The following GLIS3 variants were observed in gnomAD, a reference collection of about 807,000 sequenced individuals.
GLIS3 encodes the protein zinc finger protein GLIS3.
Under a neutral mutation model 78.6 loss-of-function variants are expected in GLIS3, and 53 were observed. That is an observed-to-expected ratio of 0.67 (90% CI 0.54 to 0.85). The LOEUF is 0.85. GLIS3 is among the 40% of genes least tolerant of loss of function. The pLI, the probability that GLIS3 is intolerant of heterozygous loss-of-function variation, is 0.00. For synonymous variants in GLIS3, 684 were observed against 509.9 expected (o/e 1.34, Z -4.60); for missense variants, 1,703 against 1,231.1 (o/e 1.38, Z -5.74).
chr9:4,336,543 T>G (rs1817760301), intron 2 of GLIS3, among the ~76,000 whole-genome samples: 1 of 152,134 alleles, frequency 6.6e-6, no homozygotes, highest in Non-Finnish European at 1.5e-5. Flanking sequence ...ACATGAGCCC[T>G]GAAACTGAAT....
intron 2 of GLIS3, among the ~76,000 whole-genome samples, chr9:4,228,995 T>C (rs934018082): frequency 8.9e-5 from 12 of 135,258 alleles, no homozygotes; most frequent in African/African-American, 3.1e-4. Context: ...CTAGCAATAG[T>C]TAACTGTTTT....
the GLIS3 span, among the ~76,000 whole-genome samples, chr9:4,406,259 C>G: frequency 6.6e-6 from 1 of 152,156 alleles, no homozygotes; most frequent in Non-Finnish European, 1.5e-5. Flanking sequence ...AAAGGGCATC[C>G]CAACTGGAAA....
At chr9:4,405,848 A>G in the GLIS3 span, among the ~76,000 whole-genome samples, 12 of 152,318 alleles carry the variant, frequency 7.9e-5, no homozygotes, top group Non-Finnish European at 1.8e-4. Flanking sequence ...AAATTCAACA[A>G]TACATTAAAA....
At chr9:4,487,495 G>T in the GLIS3 span, among the ~76,000 whole-genome samples, 1 of 151,996 alleles carries the variant, frequency 6.6e-6, no homozygotes, top group African/African-American at 2.4e-5. Context: ...CTGATAAGTG[G>T]TGGTGCTGGG....
intron 2 of GLIS3, among the ~76,000 whole-genome samples, chr9:4,282,393 C>T (rs957369153): frequency 6.6e-6 from 1 of 152,178 alleles, no homozygotes; most frequent in Non-Finnish European, 1.5e-5. Flanking sequence ...ATTGCCCTCC[C>T]TAATGTGGGT....
rs766924336 is a variant in GLIS3 at position 4,053,704 on chromosome 9, A to AT, written c.1710+64063dup. Among the ~76,000 whole-genome samples the AT allele has an allele frequency of 6.0e-5, 8 of 134,268 alleles. No individual in the cohort carries two copies. The East Asian group carries it at 1.4e-3, about 24-fold the overall frequency. 88.1% of individuals were successfully genotyped at this position (134,268 alleles called of 152,430 possible). A position where few individuals can be genotyped will look rare whatever the true frequency, so the allele number is the denominator to read the frequency against. ...CAGTGCCTACTTGTTTTCTTTCTTC[A>AT]TAAAAAAAAAAAAAAAAAATTCTGG... On this transcript the variant is annotated intron_variant, in intron 4 of 10. Coordinates refer to ENST00000381971, the MANE Select transcript of GLIS3 (RefSeq NM_001042413.2).
rs540749301 is a variant in GLIS3, at chr9:4,222,237, G to A, written c.388+63801C>T. Reference sequence around the variant, plus strand: ...TACCACAGCTTCTTCACTAAACACGGTAGCAAAGTACACCTTCCTCTTTCT... The same window carrying A: ...TACCACAGCTTCTTCACTAAACACGATAGCAAAGTACACCTTCCTCTTTCT... On this transcript the variant is annotated intron_variant, in intron 2 of 10. Transcript: ENST00000381971. 2.6e-5 allele frequency among the ~76,000 whole-genome samples: 4 copies of A among 152,246 alleles called. No individual in the cohort carries two copies. The South Asian group carries it at 8.3e-4, about 32-fold the overall frequency.
chr9:4,034,507 T>C (rs1190441099), intron 4 of GLIS3: 3 of 152,328 alleles, frequency 2.0e-5, no homozygotes, highest in East Asian at 1.9e-4. Context: ...TAATTAGGAA[T>C]GTTATAACAA....
chr9:3,917,303 G>T (rs1824577166), intron 6 of GLIS3, among the ~76,000 whole-genome samples: 3 of 152,198 alleles, frequency 2.0e-5, no homozygotes, highest in African/African-American at 7.2e-5. Context: ...AGCATGTGCT[G>T]TCAGAGCTGA....
At chr9:4,297,366 C>G (rs890901001) in intron 1 of GLIS3, among the ~76,000 whole-genome samples, 1 of 152,188 alleles carries the variant, frequency 6.6e-6, no homozygotes. Context: ...AAACCTCTAA[C>G]GTCTCTGGGG....
chr9:4,128,092 C>T (rs535914511), intron 2 of GLIS3, among the ~76,000 whole-genome samples: 4 of 152,356 alleles, frequency 2.6e-5, no homozygotes, highest in African/African-American at 7.2e-5. Flanking sequence ...CCAATACAAA[C>T]TAATGTGATC....
chr9:3,980,984 C>T lies in GLIS3; in HGVS notation c.1711-43795G>A, dbSNP rs1423526532. Among the ~76,000 whole-genome samples, 2 of 152,226 alleles carry T rather than the reference C, an allele frequency of 1.3e-5. 1 individual carries two copies. Among genetic ancestry groups the T allele is most frequent in the South Asian group, 4.1e-4 (2 of 4,824 alleles). On this transcript the variant is annotated intron_variant, in intron 4 of 10. Transcript: ENST00000381971. ...GCTCAGCATGCGTGCAAGCTCTACG[C>T]TGCTCTGCTGAACTGAAGCGCTCTT...
chr9:4,421,432 G>C, the GLIS3 span, among the ~76,000 whole-genome samples: 1 of 152,250 alleles, frequency 6.6e-6, no homozygotes, highest in Non-Finnish European at 1.5e-5. Context: ...AAGCTGGCTG[G>C]TCTGATGGAA....
At chr9:4,158,185 CCTT>C (rs1184068721) in intron 2 of GLIS3, among the ~76,000 whole-genome samples, 1 of 152,152 alleles carries the variant, frequency 6.6e-6, no homozygotes, top group East Asian at 1.9e-4. Flanking sequence ...GTCGAGAATT[CCTT>C]CTTATGTTTC....
chr9:3,875,707 C>G (rs1192899087), intron 8 of GLIS3: 3 of 152,186 alleles, frequency 2.0e-5, no homozygotes, highest in Non-Finnish European at 2.9e-5. Flanking sequence ...ATCTTCCTTT[C>G]CAAACCTGAT....
At chr9:4,388,716 A>C in the GLIS3 span, among the ~76,000 whole-genome samples, 4 of 152,098 alleles carry the variant, frequency 2.6e-5, no homozygotes, top group African/African-American at 9.7e-5. Flanking sequence ...GACAAAAAAT[A>C]AAAGTCTCCA....
intron 6 of GLIS3, among the ~76,000 whole-genome samples, chr9:3,930,531 A>G (rs558900307): frequency 1.2e-4 from 18 of 152,328 alleles, no homozygotes; most frequent in African/African-American, 4.1e-4. Flanking sequence ...CTTTCTTTAT[A>G]CAGAGGTTGA....
At chr9:4,445,674 T>G in the GLIS3 span, among the ~76,000 whole-genome samples, 1 of 152,022 alleles carries the variant, frequency 6.6e-6, no homozygotes, top group Non-Finnish European at 1.5e-5. Flanking sequence ...TAGTCTAGAT[T>G]TAAGGGCTGA....
chr9:4,337,434 C>G (rs901936744), intron 2 of GLIS3, among the ~76,000 whole-genome samples: 7 of 152,122 alleles, frequency 4.6e-5, no homozygotes, highest in Non-Finnish European at 4.4e-5. Context: ...AATAAAGATA[C>G]AAAATCGTAC....
Sources: gnomAD v4.1 joint callset for allele counts (sites outside exome capture counted in the v4.1 genomes callset) on GRCh38, gnomAD v4.1.1 for gene constraint, MANE v1.5 for transcripts, NCBI Gene and HGNC (gene_info 2026-07-23, HGNC 2026-07-21) for gene names.